ME1: variants seen among roughly 807,000 people sequenced by gnomAD.
The protein encoded by ME1 is NADP-dependent malic enzyme.
A neutral mutation model predicts 66.4 loss-of-function variants in ME1; 74 were observed. That is an observed-to-expected ratio of 1.11 (90% CI 0.92 to 1.35). The LOEUF (loss-of-function observed/expected upper bound fraction) is 1.35, where lower values mean the gene tolerates loss of function less well. Among genes scored for constraint, ME1 ranks in the 40% most tolerant of loss-of-function variants. The pLI is 0.00. For missense variants in ME1, 750 were observed against 694.1 expected (o/e 1.08, Z -0.90); for synonymous variants, 251 against 235.6 (o/e 1.07, Z -0.60).
chr6:83,419,246 C>T (rs1283665258), intron 1 of ME1, among the ~76,000 whole-genome samples: 12 of 152,152 alleles, frequency 7.9e-5, no homozygotes, highest in Admixed American at 7.9e-4. Flanking sequence ...AATCCACATA[C>T]TAAGGCTAGC....
chr6:83,294,797 C>T (rs1355518817), intron 6 of ME1, among the ~76,000 whole-genome samples: 1 of 152,176 alleles, frequency 6.6e-6, no homozygotes, highest in East Asian at 1.9e-4. Context: ...CAGTGCCGCC[C>T]CCCATCCCAG....
chr6:83,221,978 C>A (rs182209751), intron 12 of ME1, among the ~76,000 whole-genome samples: 127 of 152,180 alleles, frequency 8.3e-4, no homozygotes, highest in African/African-American at 2.9e-3. Flanking sequence ...GGTATGTTGA[C>A]AACACCACAT....
At chr6:83,401,712 T>C (rs1036146547) in intron 2 of ME1, among the ~76,000 whole-genome samples, 4 of 152,174 alleles carry the variant, frequency 2.6e-5, no homozygotes, top group Admixed American at 1.3e-4. Flanking sequence ...GGATAGAGGT[T>C]ATGCATAGGC....
chr6:83,271,562 T>G (rs1767082377), intron 6 of ME1, among the ~76,000 whole-genome samples: 1 of 152,174 alleles, frequency 6.6e-6, no homozygotes, highest in South Asian at 2.1e-4. Context: ...TAGTCACGTA[T>G]TAGTCATTGT....
At chr6:83,297,478 C>T (rs911314462) in intron 6 of ME1, among the ~76,000 whole-genome samples, 1 of 152,114 alleles carries the variant, frequency 6.6e-6, no homozygotes, top group African/African-American at 2.4e-5. Context: ...TCATATGGAA[C>T]CACGAAAAAA....
At chr6:83,421,161 A>C (rs571382696) in intron 1 of ME1, among the ~76,000 whole-genome samples, 8 of 152,334 alleles carry the variant, frequency 5.3e-5, no homozygotes, top group African/African-American at 1.9e-4. Flanking sequence ...CTAAATCCTT[A>C]GAACACAGAC....
intron 6 of ME1, among the ~76,000 whole-genome samples, chr6:83,273,501 C>T (rs995644761): frequency 6.6e-6 from 1 of 152,154 alleles, no homozygotes; most frequent in Non-Finnish European, 1.5e-5. Flanking sequence ...TCAACACTTA[C>T]GTTTCAACAA....
chr6:83,234,147 A>T (rs1030758681), intron 9 of ME1, among the ~76,000 whole-genome samples: 1 of 152,180 alleles, frequency 6.6e-6, no homozygotes, highest in African/African-American at 2.4e-5. Context: ...TGTTAAAATT[A>T]TTCAAGATGC....
At chr6:83,301,963 T>C (rs772687370) in intron 6 of ME1, among the ~76,000 whole-genome samples, 1 of 152,060 alleles carries the variant, frequency 6.6e-6, no homozygotes, top group Non-Finnish European at 1.5e-5. Context: ...CCCAAAAGAA[T>C]ATAAATCAAT....
At chr6:83,289,376 T>C (rs902435738) in intron 6 of ME1, among the ~76,000 whole-genome samples, 1 of 152,224 alleles carries the variant, frequency 6.6e-6, no homozygotes, top group Non-Finnish European at 1.5e-5. Context: ...TTGAATATTG[T>C]TGAAGGCCTT....
intron 6 of ME1, among the ~76,000 whole-genome samples, chr6:83,279,511 T>C (rs1767250863): frequency 6.6e-6 from 1 of 152,170 alleles, no homozygotes; most frequent in Non-Finnish European, 1.5e-5. Context: ...CTGGCTTTGA[T>C]GGGCTCATCA....
At chr6:83,306,402 T>A (rs1465966816) in intron 6 of ME1, among the ~76,000 whole-genome samples, 1 of 151,986 alleles carries the variant, frequency 6.6e-6, no homozygotes, top group African/African-American at 2.4e-5. Flanking sequence ...ATCTAATAAT[T>A]TAGCTTTAAT....
At chr6:83,249,165 G>A (rs1381022048) in intron 7 of ME1, among the ~76,000 whole-genome samples, 1 of 152,022 alleles carries the variant, frequency 6.6e-6, no homozygotes, top group African/African-American at 2.4e-5. Flanking sequence ...GATTTTTAAA[G>A]CCGTTAAATG....
chr6:83,366,089 T>C (rs1351514664), intron 3 of ME1, among the ~76,000 whole-genome samples: 1 of 152,216 alleles, frequency 6.6e-6, no homozygotes, highest in African/African-American at 2.4e-5. Context: ...TGTCTCAGCT[T>C]CTGCTACATC....
chr6:83,328,115 AC>A (rs1245693595), intron 5 of ME1, among the ~76,000 whole-genome samples: 1 of 152,218 alleles, frequency 6.6e-6, no homozygotes, highest in East Asian at 1.9e-4. Context: ...GCACATATAC[AC>A]CATGGAATAC....
chr6:83,325,988 T>G (rs1043288783), intron 5 of ME1, among the ~76,000 whole-genome samples: 2 of 146,996 alleles, frequency 1.4e-5, no homozygotes, highest in Non-Finnish European at 3.0e-5. Context: ...TCATGCTACC[T>G]GACTTCAAAC....
intron 6 of ME1, among the ~76,000 whole-genome samples, chr6:83,306,460 T>A (rs1767826133): frequency 6.6e-6 from 1 of 152,058 alleles, no homozygotes; most frequent in Non-Finnish European, 1.5e-5. Flanking sequence ...ATCTCAATGT[T>A]TACAAATTCT....
At chr6:83,223,589 T>C (rs538813697) in intron 12 of ME1, among the ~76,000 whole-genome samples, 171 bp downstream of exon 12, 73 of 152,308 alleles carry the variant, frequency 4.8e-4, no homozygotes, top group African/African-American at 1.6e-3. Context: ...CTTTCGTTTG[T>C]GAGTCAGTAT....
At position 83,392,593 on chromosome 6, in the gene ME1, G is replaced by A. The variant is rs564487902; in HGVS notation, c.362+5774C>T. Reference sequence around the variant, plus strand: ...CGCCCATGGCAAATTCCACGGCACCGTCAAGGCTGAGAACGGGAAGCTTGT... The same window carrying A: ...CGCCCATGGCAAATTCCACGGCACCATCAAGGCTGAGAACGGGAAGCTTGT... On this transcript the variant is annotated intron_variant, in intron 3 of 13. Transcript: ENST00000369705. 2.6e-4 allele frequency: 149 copies of A among 567,516 alleles called. 2 individuals are homozygous for A. The highest frequency in any genetic ancestry group is 1.5e-3 in the South Asian group (112 of 72,920). 35.2% of individuals were successfully genotyped at this position (567,516 alleles called of 1,614,324 possible).
Sources: allele counts gnomAD v4.1 joint callset (sites outside exome capture counted in the v4.1 genomes callset), GRCh38; gene constraint gnomAD v4.1.1; transcripts MANE v1.5; gene names NCBI Gene and HGNC (gene_info 2026-07-23, HGNC 2026-07-21).